Variants in NLGN1 observed in about 807,000 individuals in gnomAD.
NLGN1 encodes neuroligin 1, also known as neuroligin-1.
A neutral mutation model predicts 65.5 loss-of-function variants in NLGN1; 12 were observed. The observed-to-expected ratio is 0.18, with a 90% CI of 0.12 to 0.30. NLGN1 has a LOEUF of 0.30. Among genes scored for constraint, NLGN1 ranks in the 10% least tolerant of loss-of-function variants. NLGN1 has a pLI of 1.00. For missense variants in NLGN1, 750 were observed against 1,007.1 expected, an observed-to-expected ratio of 0.74 and a Z score of 3.46; for synonymous variants, 350 against 359.5, an observed-to-expected ratio of 0.97 and a Z score of 0.30.
At chr3:173,935,771 A>G (rs1435212107) in intron 4 of NLGN1, among the ~76,000 whole-genome samples, 1 of 151,984 alleles carries the variant, frequency 6.6e-6, no homozygotes, top group Admixed American at 6.6e-5. Context: ...GTATTTTTGA[A>G]TCTTTTAAAC....
At chr3:173,523,931 T>C (rs1735193292) in intron 2 of NLGN1, among the ~76,000 whole-genome samples, 1 of 148,366 alleles carries the variant, frequency 6.7e-6, no homozygotes, top group Admixed American at 6.7e-5. Context: ...CCTTTTTTTT[T>C]TTTTTTTGAG....
At chr3:173,950,605 G>T (rs905290868) in intron 4 of NLGN1, among the ~76,000 whole-genome samples, 1 of 152,038 alleles carries the variant, frequency 6.6e-6, no homozygotes, top group Admixed American at 6.6e-5. Flanking sequence ...CTGAGGTCAG[G>T]AGTTCAAGAA....
intron 4 of NLGN1, among the ~76,000 whole-genome samples, chr3:173,958,379 G>A (rs1712655473): frequency 6.6e-6 from 1 of 152,058 alleles, no homozygotes. Context: ...ATCTCCACTG[G>A]CAGGGTATCC....
chr3:174,036,288 T>G (rs1731110735), intron 4 of NLGN1, among the ~76,000 whole-genome samples: 1 of 152,178 alleles, frequency 6.6e-6, no homozygotes, highest in East Asian at 1.9e-4. Context: ...TAGTACTGAT[T>G]ATGTGATTTA....
At chr3:174,243,140 G>A (rs1743199464) in intron 4 of NLGN1, among the ~76,000 whole-genome samples, 1 of 152,152 alleles carries the variant, frequency 6.6e-6, no homozygotes, top group Non-Finnish European at 1.5e-5. Context: ...GATTATCTGA[G>A]CAGGCCCAAG....
At chr3:173,862,808 A>C (rs538576801) in intron 4 of NLGN1, among the ~76,000 whole-genome samples, 1 of 152,296 alleles carries the variant, frequency 6.6e-6, no homozygotes, top group East Asian at 1.9e-4. Flanking sequence ...AAGATATCTT[A>C]CTTAATTTAA....
intron 2 of NLGN1, among the ~76,000 whole-genome samples, chr3:173,501,530 A>G (rs1263278676): frequency 6.6e-6 from 1 of 152,118 alleles, no homozygotes; most frequent in Non-Finnish European, 1.5e-5. Context: ...TTATCATAAT[A>G]CAGTAGTTCT....
At chr3:173,765,659 G>T (rs569703242) in intron 3 of NLGN1, among the ~76,000 whole-genome samples, 2 of 152,134 alleles carry the variant, frequency 1.3e-5, no homozygotes, top group South Asian at 4.2e-4. Context: ...TATAAACTTA[G>T]TCCAGTTTAC....
At chr3:173,895,819 T>C (rs1438820218) in intron 4 of NLGN1, among the ~76,000 whole-genome samples, 5 of 152,074 alleles carry the variant, frequency 3.3e-5, no homozygotes, top group Admixed American at 1.3e-4. Flanking sequence ...GCCTCCCAAG[T>C]AGCTGTGATT....
chr3:173,853,077 C>T (rs144701828), intron 4 of NLGN1, among the ~76,000 whole-genome samples: 1 of 152,290 alleles, frequency 6.6e-6, no homozygotes, highest in East Asian at 1.9e-4. Context: ...CTTCACTTTG[C>T]ACACTACTCT....
chr3:173,515,658 T>C (rs2149111782), intron 2 of NLGN1, among the ~76,000 whole-genome samples: 1 of 152,288 alleles, frequency 6.6e-6, no homozygotes, highest in East Asian at 1.9e-4. Context: ...GAGTTGATTT[T>C]TGTGTGATAG....
At chr3:173,640,915 CT>C (rs1757316516) in intron 3 of NLGN1, among the ~76,000 whole-genome samples, 3 of 152,124 alleles carry the variant, frequency 2.0e-5, no homozygotes, top group African/African-American at 7.2e-5. Flanking sequence ...CATATCAGGG[CT>C]TTCTATTATT....
In NLGN1 at chr3:173,992,769, A is replaced by G. The variant is rs559274603; in HGVS notation, c.646+184937A>G. 1.5e-3 allele frequency among the ~76,000 whole-genome samples: 234 copies of G among 152,350 alleles called. 1 individual carries two copies. Among genetic ancestry groups the G allele is most frequent in the Non-Finnish European group, 2.8e-3 (193 of 68,018 alleles). ...ACAAGAAGATATTAAGAGCACACAT[A>G]TAGTCTATAAGTCTGTTCATTGTAT... On this transcript the variant is annotated intron_variant, in intron 4 of 6. Coordinates refer to ENST00000457714, the Ensembl canonical transcript of NLGN1.
chr3:173,933,676 T>TCCC (rs1744540738), intron 4 of NLGN1, among the ~76,000 whole-genome samples: 1 of 152,158 alleles, frequency 6.6e-6, no homozygotes, highest in Non-Finnish European at 1.5e-5. Flanking sequence ...TATGATGAAA[T>TCCC]GATAATGACT....
chr3:173,424,240 G>A (rs1715684744), intron 1 of NLGN1, among the ~76,000 whole-genome samples: 1 of 152,148 alleles, frequency 6.6e-6, no homozygotes, highest in Non-Finnish European at 1.5e-5. Context: ...TCCCTCCTAG[G>A]CCTCTGGGTC....
At chr3:173,541,764 A>G (rs561918876) in intron 2 of NLGN1, among the ~76,000 whole-genome samples, 2 of 152,200 alleles carry the variant, frequency 1.3e-5, no homozygotes, top group East Asian at 3.9e-4. Flanking sequence ...TTGTTTTTAT[A>G]CATCTAATGT....
chr3:174,124,680 T>C (rs574760798), intron 4 of NLGN1, among the ~76,000 whole-genome samples: 21 of 148,494 alleles, frequency 1.4e-4, no homozygotes, highest in Middle Eastern at 3.6e-3. Flanking sequence ...TGTATATACA[T>C]ATATAAGTAT....
At chr3:173,864,882 A>G (rs991113838) in intron 4 of NLGN1, among the ~76,000 whole-genome samples, 1 of 152,222 alleles carries the variant, frequency 6.6e-6, no homozygotes, top group East Asian at 1.9e-4. Context: ...AGAGAGATGG[A>G]AAACCTAGAA....
intron 4 of NLGN1, among the ~76,000 whole-genome samples, chr3:174,123,525 A>G (rs1718218777): frequency 1.3e-5 from 2 of 152,070 alleles, no homozygotes; most frequent in African/African-American, 4.8e-5. Flanking sequence ...CTCTTGCTTC[A>G]TAGAGTCATA....
Sources: gnomAD v4.1 joint callset for allele counts (sites outside exome capture counted in the v4.1 genomes callset) on GRCh38, gnomAD v4.1.1 for gene constraint, MANE v1.5 for transcripts, NCBI Gene and HGNC (gene_info 2026-07-23, HGNC 2026-07-21) for gene names.